Variants in PIEZO2 observed in about 807,000 individuals in gnomAD.
PIEZO2 encodes piezo type mechanosensitive ion channel component 2, also known as piezo-type mechanosensitive ion channel component 2.
In PIEZO2, 172 loss-of-function variants were observed where a neutral mutation model predicts 337.3. The ratio of observed to expected loss-of-function variants is 0.51; its 90% CI spans 0.45 to 0.58. PIEZO2 has a LOEUF of 0.58. Ranked by LOEUF, PIEZO2 falls within the 20% of genes least tolerant of loss-of-function variation. The pLI is 0.00. For missense variants in PIEZO2, 3,028 were observed against 3,391.3 expected, an observed-to-expected ratio of 0.89 and a Z score of 2.66; for synonymous variants, 1,251 against 1,228.5, an observed-to-expected ratio of 1.02 and a Z score of -0.38.
intron 7 of PIEZO2, among the ~76,000 whole-genome samples, chr18:10,851,127 T>C (rs1358799250): frequency 1.4e-5 from 2 of 145,184 alleles, no homozygotes; most frequent in Non-Finnish European, 3.0e-5. Flanking sequence ...TCTTTCTCTT[T>C]TTCTTTTCTT....
rs2040362005 is a variant in PIEZO2, at chr18:11,132,283, C to T, written c.64+16242G>A. Among the ~76,000 whole-genome samples the T allele has an allele frequency of 2.6e-5, 4 of 152,310 alleles. No individual in the cohort carries two copies. The South Asian group carries it at 6.2e-4, about 24-fold the overall frequency. ...CACCGCATTGCCTCTGACCAAGGCA[C>T]TCACTTTATGGTGAAAGAAGTGTGG... On this transcript the variant is annotated intron_variant, in intron 1 of 55. Coordinates refer to ENST00000674853, the MANE Select transcript of PIEZO2 (RefSeq NM_001378183.1). This position sits in a 1 kb window ranked among gnomAD's most constrained non-coding sequence, Gnocchi z 4.7.
rs1297430215 is a variant in PIEZO2, at chr18:11,149,265, G to A, written c.-677C>T. 6.6e-6 allele frequency among the ~76,000 whole-genome samples: 1 copy of A among 151,762 alleles called. No individual in the cohort carries two copies. Among genetic ancestry groups the A allele is most frequent in the African/African-American group, 2.4e-5 (1 of 41,342 alleles). On this transcript the variant is annotated 5_prime_UTR_variant, in exon 1 of 56. Coordinates refer to ENST00000674853, the MANE Select transcript of PIEZO2 (RefSeq NM_001378183.1). The surrounding 1 kb of genome is among the most constrained non-coding windows in gnomAD (Gnocchi z 8.7). ...CTTCGGGCCGGAGAGACCGGGGTGG[G>A]AGCTGCCAGGCGCGCAGAACCATCC...
At position 11,102,305 on chromosome 18, in the gene PIEZO2, C is replaced by T. The variant is rs1482708462; in HGVS notation, c.65-36083G>A. Among the ~76,000 whole-genome samples the T allele has an allele frequency of 6.6e-6, 1 of 152,162 alleles. No homozygotes were observed. Among genetic ancestry groups the T allele is most frequent in the African/African-American group, 2.4e-5 (1 of 41,442 alleles). ...CCCTGCGATAAAAACCTGGCACATC[C>T]CATGACTTTTCTGCTCTCTCTTAGA... On this transcript the variant is annotated intron_variant, in intron 1 of 55. Transcript: ENST00000674853. This position sits in a 1 kb window ranked among gnomAD's most constrained non-coding sequence, Gnocchi z 5.7.
chr18:10,897,170 G>A (rs887935179), intron 4 of PIEZO2, among the ~76,000 whole-genome samples: 1 of 151,730 alleles, frequency 6.6e-6, no homozygotes, highest in African/African-American at 2.4e-5. Context: ...ATGGTAGTGA[G>A]TAAGTCTCAG....
chr18:10,810,126 C>T (rs1176715448), intron 7 of PIEZO2, among the ~76,000 whole-genome samples: 2 of 152,160 alleles, frequency 1.3e-5, no homozygotes, highest in African/African-American at 2.4e-5. Context: ...TGAGCTTTCA[C>T]TTCCTAATAA....
chr18:10,797,585 CA>C, intron 11 of PIEZO2, 63 bp from the exon 12 acceptor site: 1 of 1,523,462 alleles, frequency 6.6e-7, no homozygotes, highest in Non-Finnish European at 8.8e-7. Context: ...ATAAATGTTC[CA>C]AGCAATGCAG....
chr18:11,058,969 T>C (rs1218849595), intron 2 of PIEZO2, among the ~76,000 whole-genome samples: 1 of 151,886 alleles, frequency 6.6e-6, no homozygotes, highest in East Asian at 1.9e-4. Context: ...TTCACCAAAG[T>C]TGAAATGAAG....
rs185756307 is a variant in PIEZO2, at chr18:10,765,686, G to A, written c.2947-2588C>T. Among the ~76,000 whole-genome samples, 1,490 of 152,150 alleles carry A rather than the reference G, an allele frequency of 9.8e-3. 57 individuals are homozygous for A. Among genetic ancestry groups the A allele is most frequent in the Admixed American group, 0.076 (1,159 of 15,278 alleles). ...TGTCAGGTGGAAACAGGGGCCTGGA[G>A]TTCAAAGAGAGTAGTGAGTTGACAC... On this transcript the variant is annotated intron_variant, in intron 21 of 55. Transcript: ENST00000674853.
At chr18:10,886,380 G>A (rs878967936) in intron 4 of PIEZO2, among the ~76,000 whole-genome samples, 720 of 2,840 alleles carry the variant, frequency 0.25, 76 homozygotes, top group Middle Eastern at 0.5. Context: ...GTGTGTGTGT[G>A]TATATATATA....
At chr18:10,744,549 A>C (rs188373915) in intron 30 of PIEZO2, among the ~76,000 whole-genome samples, 1 of 152,344 alleles carries the variant, frequency 6.6e-6, no homozygotes, top group East Asian at 1.9e-4. Flanking sequence ...ACTGAACGTT[A>C]GACTTCAGTA....
At chr18:10,978,642 G>A (rs1002619830) in intron 3 of PIEZO2, among the ~76,000 whole-genome samples, 1 of 152,144 alleles carries the variant, frequency 6.6e-6, no homozygotes, top group Non-Finnish European at 1.5e-5. Context: ...GATCCACGAA[G>A]AATTTTGATT....
chr18:11,122,679 A>G (rs1238224850), intron 1 of PIEZO2, among the ~76,000 whole-genome samples: 2 of 152,200 alleles, frequency 1.3e-5, no homozygotes, highest in Non-Finnish European at 2.9e-5. Flanking sequence ...ATTATTGAGG[A>G]GAGATAGTCT....
intron 15 of PIEZO2, among the ~76,000 whole-genome samples, chr18:10,787,436 C>T (rs2039262281): frequency 6.6e-6 from 1 of 152,120 alleles, no homozygotes; most frequent in Non-Finnish European, 1.5e-5. Context: ...GCCTATTTTG[C>T]AGGGTTGCTA....
At chr18:10,688,311 C>G (rs2034645273) in intron 49 of PIEZO2, among the ~76,000 whole-genome samples, 1 of 152,196 alleles carries the variant, frequency 6.6e-6, no homozygotes, top group African/African-American at 2.4e-5. Flanking sequence ...CCACCTTCAT[C>G]CATGTATCTG....
intron 2 of PIEZO2, among the ~76,000 whole-genome samples, chr18:11,006,051 C>T (rs1265809861): frequency 7.2e-6 from 1 of 138,086 alleles, no homozygotes; most frequent in East Asian, 1.9e-4. Flanking sequence ...TTGGATCTTA[C>T]ATGCCTGTCT....
At chr18:10,696,647 G>A in intron 45 of PIEZO2, 108 bp from the exon 46 acceptor site, 2 of 1,295,426 alleles carry the variant, frequency 1.5e-6, no homozygotes, top group East Asian at 2.3e-5. Context: ...CCTCTTTCCA[G>A]TCAGGTCCCA....
In PIEZO2 at chr18:10,766,856, T is replaced by G. The variant is rs1485836356; in HGVS notation, c.2946+3292A>C. ...CCTAGCACCATGTACGCATTCACTT[T>G]ATTGTGAGTCCTTAATAAAGGCTCA... On this transcript the variant is annotated intron_variant, in intron 21 of 55. Coordinates refer to ENST00000674853, the MANE Select transcript of PIEZO2 (RefSeq NM_001378183.1). The surrounding 1 kb of genome is among the most constrained non-coding windows in gnomAD (Gnocchi z 6.1). 6.6e-6 allele frequency among the ~76,000 whole-genome samples: 1 copy of G among 152,238 alleles called. No homozygotes were observed. The highest frequency in any genetic ancestry group is 1.5e-5 in the Non-Finnish European group (1 of 68,040).
intron 2 of PIEZO2, among the ~76,000 whole-genome samples, chr18:11,056,254 C>G (rs1333231303): frequency 2.0e-5 from 3 of 152,126 alleles, no homozygotes; most frequent in Non-Finnish European, 4.4e-5. Flanking sequence ...TAAAGCAGCT[C>G]CCTTCAGCCA....
rs193060301 is a variant in PIEZO2, at chr18:10,958,007, A to T, written c.286+21528T>A. ...GAATGACTGTTATCAAAAAGATAAA[A>T]GATAACAAATGTTGGAAAGAATGTG... On this transcript the variant is annotated intron_variant, in intron 3 of 55. Coordinates refer to ENST00000674853, the MANE Select transcript of PIEZO2 (RefSeq NM_001378183.1). Among the ~76,000 whole-genome samples, 40 of 152,352 alleles carry T rather than the reference A, an allele frequency of 2.6e-4. 1 individual carries two copies. Among genetic ancestry groups the T allele is most frequent in the Admixed American group, 2.4e-3 (36 of 15,294 alleles).
Sources: allele counts gnomAD v4.1 joint callset (sites outside exome capture counted in the v4.1 genomes callset), GRCh38; gene constraint gnomAD v4.1.1; non-coding constraint Gnocchi (gnomAD v3.1); transcripts MANE v1.5; gene names NCBI Gene and HGNC (gene_info 2026-07-23, HGNC 2026-07-21).